Variants in FANCF observed in about 807,000 individuals in gnomAD.
FANCF encodes FA complementation group F, also known as Fanconi anemia group F protein.
For synonymous variants in FANCF, 257 were observed against 205.9 expected (o/e 1.25, Z -2.13); for missense variants, 552 against 481.8 (o/e 1.15, Z -1.36).
Position 22,625,009 on chromosome 11 carries a change from G to C in FANCF, c.802C>G (p.Pro268Ala), listed in dbSNP as rs1353356461. ...GLLTLVTSRH[P>A]ALSPVYLGLL... The stretch of plus-strand genomic sequence containing the variant: ...CCCAGATAGACAGGAGACAGCGCTG[G>C]GTGGCGGCTAGTCACTAAAGTCAAA... Residue 268 changes from proline to alanine, a missense_variant, in exon 1 of 1, where the codon CCA (proline) becomes GCA (alanine). Transcript: ENST00000327470. 2 of 1,614,170 alleles carry C rather than the reference G, an allele frequency of 1.2e-6. No individual in the cohort carries two copies. Among genetic ancestry groups the C allele is most frequent in the Non-Finnish European group, 1.7e-6 (2 of 1,180,036 alleles).
At position 22,624,405 on chromosome 11, in the gene FANCF, A is replaced by C; in HGVS notation, c.*281T>G. 1 of 483,266 alleles carries C rather than the reference A, an allele frequency of 2.1e-6. No individual in the cohort carries two copies. The highest frequency in any genetic ancestry group is 3.7e-6 in the Non-Finnish European group (1 of 267,282). 29.9% of individuals were successfully genotyped at this position (483,266 alleles called of 1,614,324 possible). On this transcript the variant is annotated 3_prime_UTR_variant, in exon 1 of 1. Transcript: ENST00000327470. ...GCTGCTTTTTCTTTAAACGGTACAC[A>C]TATTTTCAACATTCTTACAAATGGG... is the stretch of plus-strand genomic sequence containing the variant.
rs1277797582 is a variant in FANCF, at chr11:22,623,664, C to T, written c.*1022G>A. ...GGTTGTGATTTATTAACCTAGTTAA[C>T]GGCAGAAGCTGCACTAAAACCTGGA... is the stretch of plus-strand genomic sequence containing the variant. On this transcript the variant is annotated 3_prime_UTR_variant, in exon 1 of 1. Coordinates refer to ENST00000327470, the MANE Select transcript of FANCF (RefSeq NM_022725.4). 3 of 187,026 alleles carry T rather than the reference C, an allele frequency of 1.6e-5. No homozygotes were observed. The highest frequency in any genetic ancestry group is 3.4e-5 in the Non-Finnish European group (3 of 88,544). The allele number at this position is 187,026 out of a possible 1,614,324, so 11.6% of individuals were successfully genotyped here.
chr11:22,624,788 T>C lies in FANCF; in HGVS notation c.1023A>G (p.Val341=). The C allele has an allele frequency of 6.2e-7, 1 of 1,614,152 alleles. No individual in the cohort carries two copies. ...GGTCTGTCCAGATGCTAAGACCAGG[T>C]ACTTCAAAATCTCCATCCTGCGCTT... ...TCKAQDGDFE[V]PGLSIWTDLL... The change falls in exon 1 of 1, where the codon GTA becomes GTG. Residue 341 remains valine, a synonymous_variant. Coordinates refer to ENST00000327470, the MANE Select transcript of FANCF (RefSeq NM_022725.4).
chr11:22,625,674 C>G lies in FANCF; in HGVS notation c.137G>C (p.Arg46Pro), dbSNP rs1858636545. ...AATGGGGCCATGCCGACCAAAGCGCCGATGGATGTGGCGCAGGTAGCGCGC... is the reference window on the plus strand; with the variant it reads ...AATGGGGCCATGCCGACCAAAGCGCGGATGGATGTGGCGCAGGTAGCGCGC... The part of the protein sequence containing the change: ...QWARYLRHIH[R>P]RFGRHGPIRT... Residue 46 changes from arginine (R) to proline (P), a missense_variant, in exon 1 of 1, where the codon CGG becomes CCG. Arg to Pro is a moderately radical substitution (Grantham distance 103). Transcript: ENST00000327470. 1 of 1,613,970 alleles carries G rather than the reference C, an allele frequency of 6.2e-7. No individual in the cohort carries two copies.
chr11:22,625,020 G>A lies in FANCF; in HGVS notation c.791C>T (p.Thr264Ile), dbSNP rs1858620470. ...AGGAGACAGCGCTGGGTGGCGGCTA[G>A]TCACTAAAGTCAAAAGCCCGGCTGG... ...ALPAGLLTLV[T>I]SRHPALSPVY... Residue 264 changes from threonine to isoleucine, a missense_variant, in exon 1 of 1, where the codon ACT becomes ATT. Coordinates refer to ENST00000327470, the MANE Select transcript of FANCF (RefSeq NM_022725.4). 6.2e-7 allele frequency: 1 copy of A among 1,614,194 alleles called. No homozygotes were observed.
chr11:22,624,570 A>G lies in FANCF; in HGVS notation c.*116T>C. The G allele has an allele frequency of 1.1e-6, 1 of 923,684 alleles. No individual in the cohort carries two copies. The highest frequency in any genetic ancestry group is 2.6e-5 in the East Asian group (1 of 38,226). The allele number at this position is 923,684 out of a possible 1,614,324, so 57.2% of individuals were successfully genotyped here. The stretch of plus-strand genomic sequence containing the variant: ...ATAACTGTTTAATAAACTATTCAAA[A>G]TTAGCATCTAAAATAATTATACTTT... On this transcript the variant is annotated 3_prime_UTR_variant, in exon 1 of 1. Transcript: ENST00000327470.
Position 22,625,521 on chromosome 11 carries a change from A to G in FANCF, c.290T>C (p.Leu97Pro). The G allele has an allele frequency of 6.2e-7, 1 of 1,614,178 alleles. No homozygotes were observed. The highest frequency in any genetic ancestry group is 1.3e-5 in the African/African-American group (1 of 75,070). Residue 97 changes from leucine (L) to proline (P), a missense_variant, in exon 1 of 1, where the codon CTG becomes CCG. Coordinates refer to ENST00000327470, the MANE Select transcript of FANCF (RefSeq NM_022725.4). ...ATCCCCGAGGGCCCGGTTCTCCAGCAGGCGCAGAGAGAGCAGGACGTCACA... is the reference window on the plus strand; with the variant it reads ...ATCCCCGAGGGCCCGGTTCTCCAGCGGGCGCAGAGAGAGCAGGACGTCACA... The part of the protein sequence containing the change: ...GHCDVLLSLR[L>P]LENRALGDAA...
chr11:22,622,615 T>C lies in FANCF; in HGVS notation c.*2071A>G, dbSNP rs886048148. On this transcript the variant is annotated 3_prime_UTR_variant, in exon 1 of 1. Coordinates refer to ENST00000327470, the MANE Select transcript of FANCF (RefSeq NM_022725.4). ...TAAGAGAAAGTATATAAAGCTCTAATGCTGGTTTCATTTATTCAAACACTA... is the reference window on the plus strand; with the variant it reads ...TAAGAGAAAGTATATAAAGCTCTAACGCTGGTTTCATTTATTCAAACACTA... The C allele has an allele frequency of 2.7e-5, 5 of 184,210 alleles. No homozygotes were observed. Among genetic ancestry groups the C allele is most frequent in the Non-Finnish European group, 4.6e-5 (4 of 86,822 alleles). 11.4% of individuals were successfully genotyped at this position (184,210 alleles called of 1,614,324 possible).
rs796646840 is a variant in FANCF at position 22,623,990 on chromosome 11, CAA to C, written c.*694_*695del. The C allele has an allele frequency of 1.4e-4, 26 of 187,370 alleles. No homozygotes were observed. The highest frequency in any genetic ancestry group is 2.5e-4 in the East Asian group (3 of 12,024). The allele number at this position is 187,370 out of a possible 1,614,324, so 11.6% of individuals were successfully genotyped here. ...TGGGTGACAGAGCGAGACTCCATCT[CAA>C]AAAAAAAAAAGTTTGATTCTTTTAT... On this transcript the variant is annotated 3_prime_UTR_variant, in exon 1 of 1. Transcript: ENST00000327470.
rs952777952 is a variant in FANCF at position 22,622,669 on chromosome 11, G to C, written c.*2017C>G. ...GTATCTACCATATGCTGGACACTGT[G>C]CTAGGCTTCTGGAAATAAAATAAAT... On this transcript the variant is annotated 3_prime_UTR_variant, in exon 1 of 1. Transcript: ENST00000327470. 5.3e-6 allele frequency: 1 copy of C among 188,446 alleles called. No individual in the cohort carries two copies. The highest frequency in any genetic ancestry group is 2.3e-5 in the African/African-American group (1 of 42,862). The allele number at this position is 188,446 out of a possible 1,614,324, so 11.7% of individuals were successfully genotyped here.
Position 22,625,567 on chromosome 11 carries a change from T to C in FANCF, c.244A>G (p.Asn82Asp). ...FGRGPVPGLA[N>D]FQALGHCDVL... Reference sequence around the variant, plus strand: ...TCACAGTGACCGAGGGCCTGGAAGTTCGCTAATCCCGGAACTGGACCCCGC... The same window carrying C: ...TCACAGTGACCGAGGGCCTGGAAGTCCGCTAATCCCGGAACTGGACCCCGC... Residue 82 changes from asparagine to aspartate, a missense_variant, in exon 1 of 1, where the codon AAC becomes GAC. Physicochemically the swap from Asn to Asp is conservative, Grantham distance 23. Coordinates refer to ENST00000327470, the MANE Select transcript of FANCF (RefSeq NM_022725.4). 6.2e-7 allele frequency: 1 copy of C among 1,613,990 alleles called. No individual in the cohort carries two copies. Among genetic ancestry groups the C allele is most frequent in the Admixed American group, 1.7e-5 (1 of 60,022 alleles).
Position 22,625,010 on chromosome 11 carries a change from G to A in FANCF, c.801C>T (p.His267=), listed in dbSNP as rs762356967. The A allele has an allele frequency of 6.2e-7, 1 of 1,614,094 alleles. No homozygotes were observed. The highest frequency in any genetic ancestry group is 8.5e-7 in the Non-Finnish European group (1 of 1,180,046). ...AGLLTLVTSR[H]PALSPVYLGL... is the part of the protein sequence containing the mutation. ...CCAGATAGACAGGAGACAGCGCTGG[G>A]TGGCGGCTAGTCACTAAAGTCAAAA... The change falls in exon 1 of 1, where the codon CAC becomes CAT. Residue 267 remains histidine (H), a synonymous_variant. Transcript: ENST00000327470.
rs372625322 is a variant in FANCF, at chr11:22,625,462, G to T, written c.349C>A (p.Pro117Thr). 1.3e-4 allele frequency: 206 copies of T among 1,614,222 alleles called. 1 individual carries two copies. In the East Asian group the frequency reaches 1.6e-3, roughly 12 times the overall value. Residue 117 changes from proline (P) to threonine (T), a missense_variant, in exon 1 of 1, where the codon CCC becomes ACC. Physicochemically the swap from Pro to Thr is conservative, Grantham distance 38. Transcript: ENST00000327470. ...TCGGCGTCCCGGACGCCCGGGCCGG[G>T]AAAGAGTTGCTGCACCAGGTGGTAA... ...ARYHLVQQLFPGPGVRDADEE... is the reference protein window; with the variant it reads ...ARYHLVQQLFTGPGVRDADEE...
Position 22,622,635 on chromosome 11 carries a change from A to T in FANCF, c.*2051T>A. 1 of 186,106 alleles carries T rather than the reference A, an allele frequency of 5.4e-6. No individual in the cohort carries two copies. The highest frequency in any genetic ancestry group is 6.2e-5 in the Admixed American group (1 of 16,138). 11.5% of individuals were successfully genotyped at this position (186,106 alleles called of 1,614,324 possible). Reference sequence around the variant, plus strand: ...TCTAATGCTGGTTTCATTTATTCAAACACTACAAGTATCTACCATATGCTG... The same window carrying T: ...TCTAATGCTGGTTTCATTTATTCAATCACTACAAGTATCTACCATATGCTG... On this transcript the variant is annotated 3_prime_UTR_variant, in exon 1 of 1. Transcript: ENST00000327470.
Position 22,625,199 on chromosome 11 carries a change from C to T in FANCF, c.612G>A (p.Val204=). The part of the protein sequence containing the change: ...ERLPQNNFLK[V]IAVALLQPPL... ...GCGGCTGCAACAGCGCCACCGCTAT[C>T]ACCTTCAGGAAGTTGTTCTGAGGCA... Residue 204 remains valine (V), a synonymous_variant, in exon 1 of 1, where the codon GTG becomes GTA. Coordinates refer to ENST00000327470, the MANE Select transcript of FANCF (RefSeq NM_022725.4). The T allele has an allele frequency of 6.2e-7, 1 of 1,612,734 alleles. No individual in the cohort carries two copies. The highest frequency in any genetic ancestry group is 8.5e-7 in the Non-Finnish European group (1 of 1,179,274).
At position 22,625,481 on chromosome 11, in the gene FANCF, G is replaced by T. The variant is rs781455843; in HGVS notation, c.330C>A (p.His110Gln). ...NRALGDAARY[H>Q]LVQQLFPGPG... ...GGCCGGGAAAGAGTTGCTGCACCAG[G>T]TGGTAACGAGCTGCATCCCCGAGGG... Residue 110 changes from histidine (H) to glutamine (Q), a missense_variant, in exon 1 of 1, where the codon CAC becomes CAA. His to Gln is a conservative substitution (Grantham distance 24). Transcript: ENST00000327470. The T allele has an allele frequency of 2.5e-6, 4 of 1,614,236 alleles. No homozygotes were observed.
At position 22,624,981 on chromosome 11, in the gene FANCF, A is replaced by G; in HGVS notation, c.830T>C (p.Leu277Pro). ...HPALSPVYLG[L>P]LTDWGQRLHY... ...CAAACGTTGACCCCAGTCTGTTAGC[A>G]GACCCAGATAGACAGGAGACAGCGC... is the stretch of plus-strand genomic sequence containing the variant. Residue 277 changes from leucine (L) to proline (P), a missense_variant, in exon 1 of 1, where the codon CTG (leucine) becomes CCG (proline). Coordinates refer to ENST00000327470, the MANE Select transcript of FANCF (RefSeq NM_022725.4). 1.9e-6 allele frequency: 3 copies of G among 1,614,250 alleles called. No homozygotes were observed. Among genetic ancestry groups the G allele is most frequent in the Non-Finnish European group, 2.5e-6 (3 of 1,180,048 alleles).
Position 22,625,110 on chromosome 11 carries a change from C to T in FANCF, c.701G>A (p.Ser234Asn), listed in dbSNP as rs373273222. Reference protein sequence around the residue: ...PGIHKSPGEGSQVLVHWLLGN... With the variant: ...PGIHKSPGEGNQVLVHWLLGN... ...CAGAAGCCAGTGGACTAGCACTTGG[C>T]TCCCCTCTCCAGGTGATTTGTGGAT... is the stretch of plus-strand genomic sequence containing the variant. Residue 234 changes from serine to asparagine, a missense_variant, in exon 1 of 1, where the codon AGC (serine) becomes AAC (asparagine). Physicochemically the swap from Ser to Asn is conservative, Grantham distance 46. Coordinates refer to ENST00000327470, the MANE Select transcript of FANCF (RefSeq NM_022725.4). 5.3e-5 allele frequency: 86 copies of T among 1,611,132 alleles called. No individual in the cohort carries two copies. Among genetic ancestry groups the T allele is most frequent in the Non-Finnish European group, 7.0e-5 (83 of 1,178,132 alleles).
In FANCF at chr11:22,625,212, T is replaced by C. The variant is rs779711236; in HGVS notation, c.599A>G (p.Asn200Ser). 2 of 1,613,784 alleles carry C rather than the reference T, an allele frequency of 1.2e-6. No homozygotes were observed. The highest frequency in any genetic ancestry group is 1.7e-4 in the Middle Eastern group (1 of 6,058). Residue 200 changes from asparagine (N) to serine (S), a missense_variant, in exon 1 of 1, where the codon AAC (asparagine) becomes AGC (serine). Asn to Ser is a conservative substitution (Grantham distance 46). Coordinates refer to ENST00000327470, the MANE Select transcript of FANCF (RefSeq NM_022725.4). The part of the protein sequence containing the change: ...SSLWERLPQN[N>S]FLKVIAVALL... ...CGCCACCGCTATCACCTTCAGGAAGTTGTTCTGAGGCAAGCGCTCCCACAG... is the reference window on the plus strand; with the variant it reads ...CGCCACCGCTATCACCTTCAGGAAGCTGTTCTGAGGCAAGCGCTCCCACAG...
Sources: gnomAD v4.1 joint callset for allele counts on GRCh38, gnomAD v4.1.1 for gene constraint, MANE v1.5 for transcripts, NCBI Gene and HGNC (gene_info 2026-07-23, HGNC 2026-07-21) for gene names.